FRMPD2: variants seen among roughly 807,000 people sequenced by gnomAD.
FRMPD2 encodes the protein FERM and PDZ domain-containing protein 2.
A neutral mutation model predicts 140.1 loss-of-function variants in FRMPD2; 96 were observed. The ratio of observed to expected loss-of-function variants is 0.69; its 90% confidence interval spans 0.58 to 0.81. FRMPD2 has a LOEUF of 0.81. Among genes scored for constraint, FRMPD2 ranks in the 40% least tolerant of loss-of-function variants. FRMPD2 has a pLI of 0.00. For missense variants in FRMPD2, 1,240 were observed against 1,447.4 expected (o/e 0.86, Z 2.32); for synonymous variants, 449 against 547.6 (o/e 0.82, Z 2.52).
chr10:48,194,513 G>A (rs1456168502), intron 15 of FRMPD2, among the ~76,000 whole-genome samples: 1 of 152,202 alleles, frequency 6.6e-6, no homozygotes, highest in Non-Finnish European at 1.5e-5. Flanking sequence ...GACAGTGGAG[G>A]CAAGGTCGCA....
At chr10:48,252,112 G>A (rs545879730) in intron 1 of FRMPD2, among the ~76,000 whole-genome samples, 1 of 152,078 alleles carries the variant, frequency 6.6e-6, no homozygotes, top group Non-Finnish European at 1.5e-5. Flanking sequence ...CCTGCAGTAC[G>A]TGATTCACAT....
At chr10:48,192,256 T>C (rs1838846543) in intron 16 of FRMPD2, among the ~76,000 whole-genome samples, 1 of 152,130 alleles carries the variant, frequency 6.6e-6, no homozygotes, top group South Asian at 2.1e-4. Flanking sequence ...ACCCAATAAA[T>C]ATACACTTTT....
rs368632539 is a variant in FRMPD2, at chr10:48,236,442, C to T, written c.993+40G>A. Reference sequence around the variant, plus strand: ...GCCTCCCGCAACTGCCCACTTCCCTCGCCACCCTCCATCCCTGCCCAGTCT... The same window carrying T: ...GCCTCCCGCAACTGCCCACTTCCCTTGCCACCCTCCATCCCTGCCCAGTCT... On this transcript the variant is annotated intron_variant, in intron 9 of 28. Transcript: ENST00000374201. 2.4e-5 allele frequency: 38 copies of T among 1,592,280 alleles called. No homozygotes were observed. In the African/African-American group the frequency reaches 3.4e-4, roughly 14 times the overall value.
At chr10:48,162,806 C>T (rs1321750163) in intron 28 of FRMPD2, among the ~76,000 whole-genome samples, 1 of 135,684 alleles carries the variant, frequency 7.4e-6, no homozygotes, top group East Asian at 2.2e-4. Flanking sequence ...CTGGTGTAGC[C>T]AGGCATGATG....
chr10:48,171,582 CA>C (rs1445471714), intron 25 of FRMPD2, among the ~76,000 whole-genome samples: 4 of 152,396 alleles, frequency 2.6e-5, no homozygotes, highest in African/African-American at 7.2e-5. Context: ...AACATGTCAT[CA>C]ATATGAAAAA....
intron 1 of FRMPD2, among the ~76,000 whole-genome samples, chr10:48,267,070 C>T (rs1047989350): frequency 6.6e-6 from 1 of 152,162 alleles, no homozygotes; most frequent in African/African-American, 2.4e-5. Context: ...TCTGTCCATA[C>T]AGTATCAGGG....
Position 48,242,348 on chromosome 10 carries a change from A to G in FRMPD2, c.380T>C (p.Leu127Pro). ...AGFHVPPHQP[L>P]QLCEPLHSIL... The stretch of plus-strand genomic sequence containing the variant: ...GGAGTGCAGGGGCTCGCAGAGCTGC[A>G]GGGGCTGGAGGCAGACAGGGCCGGT... Residue 127 changes from leucine (L) to proline (P), a missense_variant, in exon 5 of 29, where the codon CTG becomes CCG. Around this residue, in one of 6 missense-constraint regions of FRMPD2, gnomAD observed 1,161 missense variants for 1,055.9 expected, o/e 1.10. Transcript: ENST00000374201. 6.2e-7 allele frequency: 1 copy of G among 1,611,966 alleles called. No individual in the cohort carries two copies. The highest frequency in any genetic ancestry group is 8.5e-7 in the Non-Finnish European group (1 of 1,178,548).
chr10:48,164,605 G>A lies in FRMPD2; in HGVS notation c.3538-934C>T, dbSNP rs1299123682. On this transcript the variant is annotated intron_variant, in intron 27 of 28. Coordinates refer to ENST00000374201, the MANE Select transcript of FRMPD2 (RefSeq NM_001018071.4). ...GATTGTACATCCCTAACAATGAGAG[G>A]GATACACCTCCAAATGTGCACATTT... Among the ~76,000 whole-genome samples the A allele has an allele frequency of 1.5e-4, 22 of 149,244 alleles. 2 individuals carry two copies.
In FRMPD2 at chr10:48,242,186, C is replaced by G. The variant is rs775387556; in HGVS notation, c.542G>C (p.Gly181Ala). 1.2e-6 allele frequency: 2 copies of G among 1,613,472 alleles called. No individual in the cohort carries two copies. The highest frequency in any genetic ancestry group is 2.2e-5 in the South Asian group (2 of 90,902). The stretch of plus-strand genomic sequence containing the variant: ...CTCAGAAATGGTACCCAGAACCAAG[C>G]CAACCAGCCTTCTGATGTGGAGACC... ...PAGLHIRRLV[G>A]LVLGTISEVE... The change falls in exon 5 of 29, where the codon GGC (glycine) becomes GCC (alanine). Residue 181 changes from glycine (G) to alanine (A), a missense_variant. Gly to Ala is a moderately conservative substitution (Grantham distance 60). Transcript: ENST00000374201.
intron 1 of FRMPD2, among the ~76,000 whole-genome samples, chr10:48,259,419 A>G (rs1039572623): frequency 1.3e-5 from 2 of 152,232 alleles, no homozygotes; most frequent in African/African-American, 4.8e-5. Flanking sequence ...TTAAAGCTAT[A>G]TGGGTTTAAA....
intron 3 of FRMPD2, among the ~76,000 whole-genome samples, chr10:48,245,352 T>C (rs1270969364): frequency 6.6e-6 from 1 of 152,244 alleles, no homozygotes; most frequent in Non-Finnish European, 1.5e-5. Flanking sequence ...CTAACAACCA[T>C]ATCTTTGGCC....
intron 1 of FRMPD2, among the ~76,000 whole-genome samples, chr10:48,258,391 C>G (rs1046916838): frequency 6.6e-6 from 1 of 152,200 alleles, no homozygotes; most frequent in South Asian, 2.1e-4. Context: ...CCACACAGAC[C>G]CTTCCCTGCC....
chr10:48,207,140 C>CTTT (rs72320753), intron 13 of FRMPD2, among the ~76,000 whole-genome samples: 13 of 141,284 alleles, frequency 9.2e-5, no homozygotes, highest in Non-Finnish European at 1.4e-4. Flanking sequence ...TAGAATTTTC[C>CTTT]TTTTTTTTTT....
At chr10:48,262,975 G>A (rs923126746) in intron 1 of FRMPD2, among the ~76,000 whole-genome samples, 1 of 151,976 alleles carries the variant, frequency 6.6e-6, no homozygotes, top group Non-Finnish European at 1.5e-5. Context: ...ATTTGGTTCT[G>A]TCAGTAGAAC....
intron 10 of FRMPD2, among the ~76,000 whole-genome samples, chr10:48,231,399 C>T (rs886686380): frequency 5.3e-5 from 8 of 152,178 alleles, no homozygotes; most frequent in African/African-American, 1.9e-4. Context: ...AAGGGCAGCT[C>T]GCCACTCACA....
chr10:48,226,950 A>C (rs1839735469), intron 10 of FRMPD2, among the ~76,000 whole-genome samples: 1 of 152,210 alleles, frequency 6.6e-6, no homozygotes, highest in African/African-American at 2.4e-5. Flanking sequence ...TCTGGCAATG[A>C]GGATGGGACC....
chr10:48,271,982 A>C (rs2131993620), intron 1 of FRMPD2, among the ~76,000 whole-genome samples: 1 of 152,358 alleles, frequency 6.6e-6, no homozygotes, highest in South Asian at 2.1e-4. Context: ...AGGGCAGGGA[A>C]TAGGCTAGAG....
Position 48,222,381 on chromosome 10 carries a change from T to C in FRMPD2, c.1387A>G (p.Asn463Asp), listed in dbSNP as rs747789841. ...KDILEERLYC[N>D]EEILLQLGVL... ...CCCAGCTGCAGCAGTATCTCTTCAT[T>C]GCAGTACAGCCTCTCCTCCAGGATA... Residue 463 changes from asparagine to aspartate, a missense_variant, in exon 12 of 29, where the codon AAT (asparagine) becomes GAT (aspartate). Physicochemically the swap from Asn to Asp is conservative, Grantham distance 23 (BLOSUM62 1). This residue lies in a region of FRMPD2 where 1,161 missense variants were observed against 1,055.9 expected (regional missense o/e 1.10). Coordinates refer to ENST00000374201, the MANE Select transcript of FRMPD2 (RefSeq NM_001018071.4). 1.5e-5 allele frequency: 24 copies of C among 1,614,046 alleles called. No individual in the cohort carries two copies. The highest frequency in any genetic ancestry group is 3.3e-4 in the Middle Eastern group (2 of 6,084).
At chr10:48,250,524 C>T (rs1229805540) in intron 2 of FRMPD2, among the ~76,000 whole-genome samples, 3 of 152,092 alleles carry the variant, frequency 2.0e-5, no homozygotes, top group Admixed American at 2.0e-4. Context: ...CCTCAGCCTC[C>T]CAAGTAGCTG....
Sources: gnomAD v4.1 joint callset for allele counts (sites outside exome capture counted in the v4.1 genomes callset) on GRCh38, gnomAD v4.1.1 for gene constraint, gnomAD v4.1.1 regional missense constraint, MANE v1.5 for transcripts, NCBI Gene and HGNC (gene_info 2026-07-23, HGNC 2026-07-21) for gene names.